Variants in CETN3 observed in about 807,000 individuals in gnomAD.
CETN3 encodes the protein centrin-3.
Under a neutral mutation model 20.1 loss-of-function variants are expected in CETN3, and 17 were observed. The observed-to-expected ratio is 0.85, with a 90% confidence interval of 0.58 to 1.27. The LOEUF is 1.27. Among genes scored for constraint, CETN3 ranks in the 50% most tolerant of loss-of-function variants. The pLI, the probability that CETN3 is intolerant of heterozygous loss-of-function variation, is 0.00. For synonymous variants in CETN3, 52 were observed against 59.7 expected, an observed-to-expected ratio of 0.87 and a Z score of 0.59; for missense variants, 169 against 191.2, an observed-to-expected ratio of 0.88 and a Z score of 0.69.
chr5:90,394,105 T>G lies in CETN3; in HGVS notation c.463A>C (p.Asn155His). Reference protein sequence around the residue: ...EFDKDGDGEINQEEFIAIMTG... With the variant: ...EFDKDGDGEIHQEEFIAIMTG... ...ATAATAGCAATGAACTCCTCTTGGT[T>G]TACTGTGGTAAGAAAGAAAATGAAA... is the stretch of plus-strand genomic sequence containing the variant. Residue 155 changes from asparagine (N) to histidine (H), a missense_variant and splice_region_variant, in exon 5 of 5, where the codon AAC becomes CAC. Transcript: ENST00000283122. The G allele has an allele frequency of 6.5e-7, 1 of 1,546,522 alleles. No homozygotes were observed. Among genetic ancestry groups the G allele is most frequent in the Non-Finnish European group, 8.8e-7 (1 of 1,130,054 alleles).
In CETN3 at chr5:90,393,652, T is replaced by A. The variant is rs1294022014; in HGVS notation, c.*412A>T. On this transcript the variant is annotated 3_prime_UTR_variant, in exon 5 of 5. Transcript: ENST00000283122. ...ACTAGTAAAATTATAAAGGGAAGAT[T>A]TAAGAAATCCACTCTTGAGGGTTAA... The A allele has an allele frequency of 6.6e-6, 1 of 152,384 alleles. No homozygotes were observed. The highest frequency in any genetic ancestry group is 1.5e-5 in the Non-Finnish European group (1 of 68,146). 9.4% of individuals were successfully genotyped at this position (152,384 alleles called of 1,614,324 possible). A position where few individuals can be genotyped will look rare whatever the true frequency, so the allele number is the denominator to read the frequency against.
chr5:90,407,728 CTT>C lies in CETN3; in HGVS notation c.122_123del (p.Lys41ArgfsTer2). 1 of 1,563,454 alleles carries C rather than the reference CTT, an allele frequency of 6.4e-7. No homozygotes were observed. Among genetic ancestry groups the C allele is most frequent in the Non-Finnish European group, 8.7e-7 (1 of 1,145,252 alleles). On this transcript the variant is annotated frameshift_variant, in exon 2 of 5. Transcript: ENST00000283122. LOFTEE classifies it high-confidence loss of function. ...AATTCATGATAATCTATTGCTTCAT[CTT>C]TGTCTGTATCAAATAGTTCAAAAGC... ...KDAFELFDTDKDEAIDYHELK... is the reference protein window; with the variant it reads ...KDAFELFDTDXDEAIDYHELK...
intron 3 of CETN3, among the ~76,000 whole-genome samples, chr5:90,401,367 C>T (rs1749284693): frequency 6.6e-6 from 1 of 152,048 alleles, no homozygotes; most frequent in Non-Finnish European, 1.5e-5. Context: ...TATTTATTTT[C>T]AATGAAAATA....
At chr5:90,395,427 CAAGT>C (rs1298552166) in intron 4 of CETN3, among the ~76,000 whole-genome samples, 1 of 151,888 alleles carries the variant, frequency 6.6e-6, no homozygotes, top group African/African-American at 2.4e-5. Context: ...ATTAAAGGAT[CAAGT>C]TTTTGTTTTA....
chr5:90,409,042 T>C (rs781494545), intron 1 of CETN3, among the ~76,000 whole-genome samples: 2 of 152,082 alleles, frequency 1.3e-5, no homozygotes, highest in African/African-American at 2.4e-5. Context: ...AGTGTATGGA[T>C]AGTTTTACGG....
intron 1 of CETN3, among the ~76,000 whole-genome samples, chr5:90,408,248 T>A (rs1288367275): frequency 1.3e-5 from 2 of 152,122 alleles, no homozygotes; most frequent in Non-Finnish European, 2.9e-5. Context: ...AAACCAAAAT[T>A]CATAACTGAC....
rs756574170 is a variant in CETN3 at position 90,405,707 on chromosome 5, G to T, written c.246C>A (p.Thr82=). 1 of 1,608,166 alleles carries T rather than the reference G, an allele frequency of 6.2e-7. No homozygotes were observed. Among genetic ancestry groups the T allele is most frequent in the Non-Finnish European group, 8.5e-7 (1 of 1,174,940 alleles). The change falls in exon 3 of 5, where the codon ACC becomes ACA. Residue 82 remains threonine, a synonymous_variant. Transcript: ENST00000283122. ...DYDREATGKI[T]FEDFNEVVTD... ...CACCAACTTCATTAAAATCTTCAAA[G>T]GTGATTTTCCCTGTGGCTTCTCTGT...
At chr5:90,395,234 A>G (rs1011862519) in intron 4 of CETN3, among the ~76,000 whole-genome samples, 1 of 152,170 alleles carries the variant, frequency 6.6e-6, no homozygotes, top group Admixed American at 6.5e-5. Flanking sequence ...CAACACCACA[A>G]TAAGTGTTGC....
chr5:90,406,109 G>T (rs1443024363), intron 2 of CETN3, among the ~76,000 whole-genome samples: 1 of 151,964 alleles, frequency 6.6e-6, no homozygotes, highest in Non-Finnish European at 1.5e-5. Flanking sequence ...GTTCTGAAGG[G>T]ATTAACAATC....
intron 4 of CETN3, among the ~76,000 whole-genome samples, chr5:90,395,451 TTTAA>T (rs922997261): frequency 3.3e-5 from 5 of 152,042 alleles, no homozygotes; most frequent in Non-Finnish European, 5.9e-5. Flanking sequence ...ATTATTAAAA[TTTAA>T]TTAATTAATT....
At chr5:90,398,990 C>A in intron 4 of CETN3, 1 of 346,476 alleles carries the variant, frequency 2.9e-6, no homozygotes, top group Admixed American at 4.5e-5. Context: ...GAAATTAGGG[C>A]CTGAACTAGG....
chr5:90,408,628 T>C (rs1439590255), intron 1 of CETN3, among the ~76,000 whole-genome samples: 1 of 152,158 alleles, frequency 6.6e-6, no homozygotes, highest in African/African-American at 2.4e-5. Flanking sequence ...AGAAATGTTT[T>C]CCTTAAGAGC....
chr5:90,392,450 TGTA>T lies in CETN3; in HGVS notation c.*1611_*1613del, dbSNP rs1749042376. ...CTCTAGTTAACCTGCTGATATAGTTTGTATATCTGTCCCCACTCAAATATCATG... is the reference window on the plus strand; with the variant it reads ...CTCTAGTTAACCTGCTGATATAGTTTTATCTGTCCCCACTCAAATATCATG... On this transcript the variant is annotated 3_prime_UTR_variant, in exon 5 of 5. Transcript: ENST00000283122. 6.6e-6 allele frequency: 1 copy of T among 152,228 alleles called. No homozygotes were observed. Among genetic ancestry groups the T allele is most frequent in the Non-Finnish European group, 1.5e-5 (1 of 68,042 alleles). 9.4% of individuals were successfully genotyped at this position (152,228 alleles called of 1,614,324 possible). A position where few individuals can be genotyped will look rare whatever the true frequency, so the allele number is the denominator to read the frequency against.
chr5:90,404,943 T>C (rs1209827238), intron 3 of CETN3, among the ~76,000 whole-genome samples: 1 of 152,148 alleles, frequency 6.6e-6, no homozygotes, highest in Non-Finnish European at 1.5e-5. Flanking sequence ...ATTTAAGTTA[T>C]AATAGCAACA....
At chr5:90,401,642 C>T (rs1191866291) in intron 3 of CETN3, among the ~76,000 whole-genome samples, 4 of 152,058 alleles carry the variant, frequency 2.6e-5, no homozygotes, top group South Asian at 4.1e-4. Context: ...CAATGTCTTT[C>T]GGAAATTTCT....
At chr5:90,408,016 C>G (rs1046712621) in intron 1 of CETN3, among the ~76,000 whole-genome samples, 182 bp from the exon 2 acceptor site, 1 of 152,074 alleles carries the variant, frequency 6.6e-6, no homozygotes, top group Non-Finnish European at 1.5e-5. Flanking sequence ...ATCTGAACTT[C>G]GCAAAACTAA....
At chr5:90,399,184 G>C (rs1044883231) in intron 4 of CETN3, 174 bp downstream of exon 4, 1 of 635,704 alleles carries the variant, frequency 1.6e-6, no homozygotes, top group African/African-American at 1.8e-5. Flanking sequence ...AGTATAATTG[G>C]TTTTAGAGAT....
At chr5:90,406,401 G>GTGTTTCTTTT (rs1749441918) in intron 2 of CETN3, among the ~76,000 whole-genome samples, 2 of 151,704 alleles carry the variant, frequency 1.3e-5, no homozygotes, top group Non-Finnish European at 2.9e-5. Context: ...GGTATTAAAA[G>GTGTTTCTTTT]AAACACTGAA....
chr5:90,407,929 G>A, intron 1 of CETN3, 95 bp from the exon 2 acceptor site: 1 of 1,049,734 alleles, frequency 9.5e-7, no homozygotes, highest in Non-Finnish European at 1.3e-6. Flanking sequence ...AAAAAAGAAA[G>A]TACTTTGGAG....
Sources: gnomAD v4.1 joint callset for allele counts (sites outside exome capture counted in the v4.1 genomes callset) on GRCh38, gnomAD v4.1.1 for gene constraint, MANE v1.5 for transcripts, NCBI Gene and HGNC (gene_info 2026-07-23, HGNC 2026-07-21) for gene names.